The following CFAP299 variants were observed in gnomAD, a reference collection of about 807,000 sequenced individuals.
CFAP299 encodes the protein cilia and flagella associated protein 299.
In CFAP299, 21 loss-of-function variants were observed where a neutral mutation model predicts 27.0. The observed-to-expected ratio is 0.78, with a 90% CI of 0.55 to 1.12. The LOEUF is 1.12. Ranked by LOEUF, CFAP299 falls within the 50% of genes most tolerant of loss-of-function variation. CFAP299 has a pLI of 0.00. For synonymous variants in CFAP299, 104 were observed against 98.1 expected (o/e 1.06, Z -0.36); for missense variants, 310 against 276.6 (o/e 1.12, Z -0.86).
At chr4:80,339,440 C>G (rs1019044946) in intron 1 of CFAP299, among the ~76,000 whole-genome samples, 13 of 152,126 alleles carry the variant, frequency 8.5e-5, no homozygotes, top group Non-Finnish European at 1.8e-4. Flanking sequence ...AACCACACAA[C>G]TTTTTACATA....
chr4:80,651,630 G>C (rs149335501), intron 3 of CFAP299, among the ~76,000 whole-genome samples: 3,290 of 151,756 alleles, frequency 0.022, 141 homozygotes, highest in African/African-American at 0.075. Context: ...CTCCCAAAGT[G>C]CTGGAATTAC....
At chr4:80,774,367 C>T (rs947183598) in intron 3 of CFAP299, among the ~76,000 whole-genome samples, 25 of 151,856 alleles carry the variant, frequency 1.6e-4, no homozygotes, top group African/African-American at 6.0e-4. Flanking sequence ...AACAAAGTCA[C>T]ATATAAAAAC....
intron 4 of CFAP299, among the ~76,000 whole-genome samples, chr4:80,882,978 A>C (rs964046990): frequency 5.9e-5 from 9 of 152,166 alleles, no homozygotes; most frequent in African/African-American, 2.2e-4. Flanking sequence ...ATAAAATTAT[A>C]AATCTCATTG....
intron 4 of CFAP299, among the ~76,000 whole-genome samples, chr4:80,888,550 T>G (rs1274260522): frequency 2.0e-5 from 3 of 152,030 alleles, no homozygotes; most frequent in African/African-American, 7.2e-5. Flanking sequence ...ACTTTCAGCA[T>G]TGGACAGATC....
intron 2 of CFAP299, among the ~76,000 whole-genome samples, chr4:80,384,162 A>G (rs566206864): frequency 6.6e-6 from 1 of 152,210 alleles, no homozygotes; most frequent in East Asian, 1.9e-4. Context: ...TCCTGCCCCT[A>G]CAAACGCACA....
At chr4:80,928,116 C>T (rs947320133) in intron 4 of CFAP299, among the ~76,000 whole-genome samples, 1 of 152,116 alleles carries the variant, frequency 6.6e-6, no homozygotes, top group South Asian at 2.1e-4. Context: ...TCTCCCCCAG[C>T]GTTCTGTTCT....
At chr4:80,947,236 A>G (rs147598136) in intron 5 of CFAP299, among the ~76,000 whole-genome samples, 2 of 152,352 alleles carry the variant, frequency 1.3e-5, no homozygotes, top group South Asian at 2.1e-4. Context: ...CAACTCTTGA[A>G]TAAAGAGCAA....
intron 2 of CFAP299, among the ~76,000 whole-genome samples, chr4:80,510,100 T>C (rs970897140): frequency 2.0e-4 from 31 of 152,284 alleles, no homozygotes; most frequent in African/African-American, 7.5e-4. Flanking sequence ...CATTTTGCAC[T>C]GAATCCTCAA....
chr4:80,460,046 G>A (rs559792090), intron 2 of CFAP299, among the ~76,000 whole-genome samples: 11 of 152,310 alleles, frequency 7.2e-5, no homozygotes, highest in East Asian at 5.8e-4. Context: ...AGAAAGAATA[G>A]GGGCTTGAAG....
rs192882501 is a variant in CFAP299, at chr4:80,403,430, T to G, written c.242+40546T>G. ...AAAATGATTCTGCTGTTTTGAATCT[T>G]GTTCATCCTTTTTTTTCCAATACAA... is the stretch of plus-strand genomic sequence containing the variant. On this transcript the variant is annotated intron_variant, in intron 2 of 5. Coordinates refer to ENST00000358105, the MANE Select transcript of CFAP299 (RefSeq NM_152770.3). 6.2e-4 allele frequency among the ~76,000 whole-genome samples: 95 copies of G among 152,350 alleles called. 1 individual carries two copies. Among genetic ancestry groups the G allele is most frequent in the South Asian group, 4.1e-4 (2 of 4,826 alleles).
At chr4:80,534,074 C>G (rs556925413) in intron 2 of CFAP299, among the ~76,000 whole-genome samples, 2 of 152,038 alleles carry the variant, frequency 1.3e-5, no homozygotes, top group Non-Finnish European at 2.9e-5. Flanking sequence ...GTAAAGTAAA[C>G]TAACATCTAC....
chr4:80,429,591 T>A (rs1197054082), intron 2 of CFAP299, among the ~76,000 whole-genome samples: 1 of 152,150 alleles, frequency 6.6e-6, no homozygotes, highest in Non-Finnish European at 1.5e-5. Flanking sequence ...CTTTGGGTAA[T>A]GTGGACTGAG....
chr4:80,400,213 T>C (rs1326082060), intron 2 of CFAP299, among the ~76,000 whole-genome samples: 1 of 151,946 alleles, frequency 6.6e-6, no homozygotes, highest in Non-Finnish European at 1.5e-5. Context: ...GATATAATAG[T>C]AGTAGCATTT....
At chr4:80,731,687 A>C (rs1723531384) in intron 3 of CFAP299, among the ~76,000 whole-genome samples, 1 of 152,134 alleles carries the variant, frequency 6.6e-6, no homozygotes, top group South Asian at 2.1e-4. Context: ...ATTTTACCAC[A>C]ATCAAATAGT....
intron 2 of CFAP299, among the ~76,000 whole-genome samples, chr4:80,376,182 G>A (rs1190111760): frequency 1.3e-5 from 2 of 151,852 alleles, no homozygotes; most frequent in Non-Finnish European, 2.9e-5. Context: ...AAATTATGTT[G>A]TCTTTTTTTC....
chr4:80,913,439 T>C (rs533652661), intron 4 of CFAP299, among the ~76,000 whole-genome samples: 1 of 152,278 alleles, frequency 6.6e-6, no homozygotes, highest in Admixed American at 6.5e-5. Flanking sequence ...AAGGAACACA[T>C]TGCTCACACT....
At chr4:80,948,784 T>A (rs1159181315) in intron 5 of CFAP299, among the ~76,000 whole-genome samples, 1 of 152,074 alleles carries the variant, frequency 6.6e-6, no homozygotes. Context: ...TGATAAATAT[T>A]CATTGAATTG....
At chr4:80,672,937 A>T (rs1578001874) in intron 3 of CFAP299, among the ~76,000 whole-genome samples, 10 of 71,590 alleles carry the variant, frequency 1.4e-4, no homozygotes, top group Admixed American at 3.5e-4. Context: ...AATTTTGTTG[A>T]TCTTTTCAAA....
chr4:80,753,198 A>C (rs1016490453), intron 3 of CFAP299, among the ~76,000 whole-genome samples: 81 of 151,850 alleles, frequency 5.3e-4, no homozygotes, highest in African/African-American at 1.7e-3. Flanking sequence ...AAATGTCTCT[A>C]TTTATTTTTG....
Sources: allele counts gnomAD v4.1 joint callset (sites outside exome capture counted in the v4.1 genomes callset), GRCh38; gene constraint gnomAD v4.1.1; transcripts MANE v1.5; gene names NCBI Gene and HGNC (gene_info 2026-07-23, HGNC 2026-07-21).